The following SRPK2 variants were observed in gnomAD, a reference collection of about 807,000 sequenced individuals.
SRPK2 encodes SRSF protein kinase 2.
SRPK2 carries 21 observed loss-of-function variants against 90.8 expected under a neutral mutation model. That is an observed-to-expected ratio of 0.23 (90% CI 0.16 to 0.33). The LOEUF (loss-of-function observed/expected upper bound fraction) is 0.33. Among genes scored for constraint, SRPK2 ranks in the 10% least tolerant of loss-of-function variants. The pLI is 1.00. For synonymous variants in SRPK2, 288 were observed against 311.1 expected (o/e 0.93, Z 0.78); for missense variants, 620 against 869.0 (o/e 0.71, Z 3.60).
chr7:105,311,521 C>T (rs1811708107), intron 2 of SRPK2, among the ~76,000 whole-genome samples: 1 of 152,204 alleles, frequency 6.6e-6, no homozygotes, highest in Non-Finnish European at 1.5e-5. Flanking sequence ...GCCTGAGCCA[C>T]TCCACCTGGC....
At chr7:105,183,489 C>T (rs1793156729) in intron 3 of SRPK2, among the ~76,000 whole-genome samples, 1 of 151,732 alleles carries the variant, frequency 6.6e-6, no homozygotes, top group Admixed American at 6.6e-5. Flanking sequence ...GTTTGTTTGT[C>T]TATTTTTGTT....
intron 2 of SRPK2, among the ~76,000 whole-genome samples, chr7:105,309,235 GAA>G (rs796989623): frequency 1.6e-5 from 2 of 121,444 alleles, no homozygotes; most frequent in African/African-American, 5.9e-5. Flanking sequence ...AAGGTTACAA[GAA>G]AAAAAAAAAA....
At position 105,293,117 on chromosome 7, in the gene SRPK2, G is replaced by A. The variant is rs149975279; in HGVS notation, c.72-89332C>T. Among the ~76,000 whole-genome samples, 347 of 152,208 alleles carry A rather than the reference G, an allele frequency of 2.3e-3. 1 individual carries two copies. The highest frequency in any genetic ancestry group is 8.0e-3 in the African/African-American group (334 of 41,534). ...GTTCGAGACCAGCTTGGCAAACATG[G>A]CGAAACCCCATCTCTACTAAAAATA... On this transcript the variant is annotated intron_variant, in intron 2 of 15. Transcript: ENST00000393651.
At chr7:105,230,781 T>C (rs1205014756) in intron 2 of SRPK2, among the ~76,000 whole-genome samples, 2 of 152,232 alleles carry the variant, frequency 1.3e-5, no homozygotes, top group African/African-American at 4.8e-5. Flanking sequence ...CTGTCATATG[T>C]TGTGATTCTA....
intron 2 of SRPK2, among the ~76,000 whole-genome samples, chr7:105,358,865 T>G (rs1221868991): frequency 6.6e-6 from 1 of 151,962 alleles, no homozygotes; most frequent in South Asian, 2.1e-4. Flanking sequence ...CACCAGCACC[T>G]AATTTCAGTG....
chr7:105,388,597 C>T, intron 2 of SRPK2, 51 bp downstream of exon 2: 2 of 1,514,396 alleles, frequency 1.3e-6, no homozygotes, highest in Non-Finnish European at 1.8e-6. Context: ...GCCGCGGGCG[C>T]CCCCGACGGG....
chr7:105,243,838 G>A (rs570598447), intron 2 of SRPK2, among the ~76,000 whole-genome samples: 2 of 152,284 alleles, frequency 1.3e-5, no homozygotes, highest in African/African-American at 4.8e-5. Context: ...ATTCACACGT[G>A]AGAAGTGGAA....
chr7:105,322,260 T>C (rs1044568370), intron 2 of SRPK2, among the ~76,000 whole-genome samples: 11 of 151,824 alleles, frequency 7.2e-5, no homozygotes, highest in African/African-American at 2.7e-4. Flanking sequence ...CTACTAAAAA[T>C]CCAAAAATTA....
chr7:105,290,639 G>T (rs543793233), intron 2 of SRPK2, among the ~76,000 whole-genome samples: 1 of 152,294 alleles, frequency 6.6e-6, no homozygotes, highest in South Asian at 2.1e-4. Flanking sequence ...AGACCAGCTT[G>T]GGTAACACAC....
intron 2 of SRPK2, among the ~76,000 whole-genome samples, chr7:105,229,880 C>T (rs1005360012): frequency 1.1e-4 from 16 of 152,152 alleles, no homozygotes; most frequent in Non-Finnish European, 2.1e-4. Context: ...GTCCAGGAAT[C>T]AAGGCAAAAA....
At chr7:105,393,411 C>T (rs1304822309), upstream of SRPK2, among the ~76,000 whole-genome samples, 6 of 150,102 alleles carry the variant, frequency 4.0e-5, no homozygotes, top group East Asian at 7.9e-4. Flanking sequence ...GGATTAAAGG[C>T]GTGCACCACC....
chr7:105,166,944 G>A (rs931713643), intron 6 of SRPK2, among the ~76,000 whole-genome samples: 1 of 152,210 alleles, frequency 6.6e-6, no homozygotes, highest in East Asian at 1.9e-4. Context: ...GACATTTACA[G>A]AGCATTTTTC....
At chr7:105,397,539 AG>A (rs1266868866) in intron 1 of SRPK2, among the ~76,000 whole-genome samples, 1 of 151,604 alleles carries the variant, frequency 6.6e-6, no homozygotes, top group Non-Finnish European at 1.5e-5. Context: ...CATATTGGCG[AG>A]GCTGGTCTCG....
rs1172023250 is a variant in SRPK2, at chr7:105,388,637, C to G, written c.71+11G>C. ...GGGTGGGGAACGGGGACAGGCGCAG[C>G]GTGGACTCACTTTTTCGGATGTTTC... On this transcript the variant is annotated intron_variant, in intron 2 of 15. Coordinates refer to ENST00000393651, the MANE Select transcript of SRPK2 (RefSeq NM_182692.3). The G allele has an allele frequency of 7.6e-6, 12 of 1,583,380 alleles. No individual in the cohort carries two copies. In the South Asian group the frequency reaches 7.9e-5, roughly 10 times the overall value.
chr7:105,217,884 A>G (rs190923145), intron 2 of SRPK2, among the ~76,000 whole-genome samples: 1 of 152,364 alleles, frequency 6.6e-6, no homozygotes, highest in East Asian at 1.9e-4. Flanking sequence ...CAATGTATCC[A>G]ATTTCCAGTC....
chr7:105,263,277 C>A (rs568844929), intron 2 of SRPK2, among the ~76,000 whole-genome samples: 1 of 151,632 alleles, frequency 6.6e-6, no homozygotes, highest in Non-Finnish European at 1.5e-5. Context: ...GAGCTGAGAT[C>A]GCTCCACTTT....
At chr7:105,350,745 C>A (rs570302608) in intron 2 of SRPK2, among the ~76,000 whole-genome samples, 6 of 151,422 alleles carry the variant, frequency 4.0e-5, no homozygotes, top group Non-Finnish European at 7.4e-5. Flanking sequence ...TGGTCTCCAA[C>A]TCCTGACCTC....
intron 3 of SRPK2, among the ~76,000 whole-genome samples, chr7:105,179,693 C>T (rs374703182): frequency 7.2e-5 from 11 of 151,774 alleles, no homozygotes; most frequent in East Asian, 1.9e-4. Flanking sequence ...GGTGTGGTGG[C>T]GCATGCCTTT....
At chr7:105,254,666 T>G (rs76002861) in intron 2 of SRPK2, among the ~76,000 whole-genome samples, 1 of 132,204 alleles carries the variant, frequency 7.6e-6, no homozygotes, top group African/African-American at 3.7e-5. Flanking sequence ...CATCTGCTTG[T>G]TTTTTTTTTG....
Sources: allele counts gnomAD v4.1 joint callset (sites outside exome capture counted in the v4.1 genomes callset), GRCh38; gene constraint gnomAD v4.1.1; transcripts MANE v1.5; gene names NCBI Gene and HGNC (gene_info 2026-07-23, HGNC 2026-07-21).